The following LEPROTL1 variants were observed in gnomAD, a reference collection of about 807,000 sequenced individuals.
LEPROTL1 encodes leptin receptor overlapping transcript-like 1.
Under a neutral mutation model 15.4 loss-of-function variants are expected in LEPROTL1, and 6 were observed. The ratio of observed to expected loss-of-function variants is 0.39; its 90% CI spans 0.21 to 0.77. The LOEUF (loss-of-function observed/expected upper bound fraction) is 0.77, where lower values mean the gene tolerates loss of function less well. Among genes scored for constraint, LEPROTL1 ranks in the 30% least tolerant of loss-of-function variants. LEPROTL1 has a pLI of 0.41. For synonymous variants in LEPROTL1, 56 were observed against 52.6 expected, an observed-to-expected ratio of 1.06 and a Z score of -0.28; for missense variants, 128 against 158.1, an observed-to-expected ratio of 0.81 and a Z score of 1.02.
chr8:30,122,166 C>T (rs1446498541), intron 3 of LEPROTL1, among the ~76,000 whole-genome samples: 1 of 130,110 alleles, frequency 7.7e-6, no homozygotes. Context: ...GACTCCCTCT[C>T]AAAAAAAAAA....
chr8:30,095,593 A>G (rs1033292890), intron 1 of LEPROTL1, 65 bp downstream of exon 1: 14 of 1,252,294 alleles, frequency 1.1e-5, no homozygotes, highest in Non-Finnish European at 1.4e-5. Flanking sequence ...CGGGGGTCCC[A>G]CGCGGCCCCC....
At position 30,117,785 on chromosome 8, in the gene LEPROTL1, C is replaced by T. The variant is rs536601375; in HGVS notation, c.279+13299C>T. On this transcript the variant is annotated intron_variant, in intron 3 of 4. Transcript: ENST00000442880. ...AGGACATTCATGCGCACCATTGTGG[C>T]GGCGCAGAAAGATGGCAGGAGGAGC... 8.4e-5 allele frequency: 63 copies of T among 754,160 alleles called. 2 individuals carry two copies. Among genetic ancestry groups the T allele is most frequent in the South Asian group, 8.1e-4 (53 of 65,656 alleles). The allele number at this position is 754,160 out of a possible 1,614,324, so 46.7% of individuals were successfully genotyped here.
chr8:30,122,542 A>G (rs745817273), intron 3 of LEPROTL1, among the ~76,000 whole-genome samples: 3 of 151,920 alleles, frequency 2.0e-5, no homozygotes, highest in African/African-American at 7.3e-5. Flanking sequence ...TGTAATCCCA[A>G]CACTTTGGGA....
chr8:30,132,724 A>G (rs965721315), intron 4 of LEPROTL1: 10 of 1,551,584 alleles, frequency 6.4e-6, no homozygotes, highest in Admixed American at 2.0e-5. Context: ...AGAGCCTCCC[A>G]GGAGAGCAGG....
rs550720005 is a variant in LEPROTL1 at position 30,101,145 on chromosome 8, A to G, written c.17-753A>G. On this transcript the variant is annotated intron_variant, in intron 1 of 3. Coordinates refer to ENST00000321250, the MANE Select transcript of LEPROTL1 (RefSeq NM_015344.3). ...CATTGAGAGTGTATGTGCCAGAAAC[A>G]GGAGCTGATTAGAAGAGGTTTTCCT... is the stretch of plus-strand genomic sequence containing the variant. Among the ~76,000 whole-genome samples the G allele has an allele frequency of 1.2e-4, 19 of 152,340 alleles. No homozygotes were observed. In the South Asian group the frequency reaches 3.9e-3, roughly 32 times the overall value.
At position 30,106,861 on chromosome 8, in the gene LEPROTL1, C is replaced by T; in HGVS notation, c.*999C>T. 1.0e-6 allele frequency: 1 copy of T among 983,554 alleles called. No homozygotes were observed. The highest frequency in any genetic ancestry group is 1.2e-6 in the Non-Finnish European group (1 of 827,900). The allele number at this position is 983,554 out of a possible 1,614,324, so 60.9% of individuals were successfully genotyped here. A position where few individuals can be genotyped will look rare whatever the true frequency, so the allele number is the denominator to read the frequency against. The stretch of plus-strand genomic sequence containing the variant: ...CTTATTTGGTATGTTGTATATATTA[C>T]ATAAAATAACTTTTCAAATATAGTT... On this transcript the variant is annotated 3_prime_UTR_variant, in exon 4 of 4. Transcript: ENST00000321250.
At chr8:30,137,392 G>A in exon 5 of LEPROTL1, 2 of 1,551,706 alleles carry the variant, frequency 1.3e-6, no homozygotes, top group Non-Finnish European at 1.7e-6. Flanking sequence ...TGCAAGCAGA[G>A]TGTCCACTCA....
intron 3 of LEPROTL1, among the ~76,000 whole-genome samples, chr8:30,121,883 T>C (rs1174974607): frequency 6.6e-6 from 1 of 151,888 alleles, no homozygotes; most frequent in African/African-American, 2.4e-5. Flanking sequence ...AAAAAAAAAT[T>C]AGGCTGGCAC....
intron 4 of LEPROTL1, among the ~76,000 whole-genome samples, chr8:30,133,850 A>C (rs1314931030): frequency 6.6e-6 from 1 of 152,108 alleles, no homozygotes; most frequent in African/African-American, 2.4e-5. Context: ...AAAGCAAAAC[A>C]AAACAAAACA....
intron 1 of LEPROTL1, among the ~76,000 whole-genome samples, chr8:30,097,285 T>C (rs1802380968): frequency 6.6e-6 from 1 of 152,340 alleles, no homozygotes; most frequent in South Asian, 2.1e-4. Context: ...AGAACACTTT[T>C]AAGCAATTTA....
chr8:30,112,270 C>G (rs370523455), downstream of LEPROTL1, among the ~76,000 whole-genome samples: 1 of 152,030 alleles, frequency 6.6e-6, no homozygotes, highest in Non-Finnish European at 1.5e-5. Flanking sequence ...GAGTCTTGCT[C>G]TGTCGCCCAG....
At chr8:30,096,911 C>CCTAAT (rs1229392046) in intron 1 of LEPROTL1, among the ~76,000 whole-genome samples, 1 of 152,142 alleles carries the variant, frequency 6.6e-6, no homozygotes, top group Admixed American at 6.5e-5. Flanking sequence ...AATTAGAGAC[C>CCTAAT]ATTAGGCATT....
chr8:30,097,690 T>A (rs143529338), intron 1 of LEPROTL1, among the ~76,000 whole-genome samples: 4,860 of 119,712 alleles, frequency 0.041, 289 homozygotes, highest in African/African-American at 0.086. Flanking sequence ...AAAAAATATA[T>A]ATATATATAC....
rs996381809 is a variant in LEPROTL1, at chr8:30,106,620, A to T, written c.*758A>T. 1 of 983,024 alleles carries T rather than the reference A, an allele frequency of 1.0e-6. No individual in the cohort carries two copies. The highest frequency in any genetic ancestry group is 1.7e-5 in the African/African-American group (1 of 57,166). 60.9% of individuals were successfully genotyped at this position (983,024 alleles called of 1,614,324 possible). A position where few individuals can be genotyped will look rare whatever the true frequency, so the allele number is the denominator to read the frequency against. On this transcript the variant is annotated 3_prime_UTR_variant, in exon 4 of 4. Transcript: ENST00000321250. ...TGAGATAAGGTTTTTATTTATGTTT[A>T]TTATTGTTAGAGTGAGTTGCAATGT...
intron 3 of LEPROTL1, among the ~76,000 whole-genome samples, chr8:30,115,021 TTC>T (rs1393872493): frequency 9.2e-5 from 14 of 152,228 alleles, no homozygotes; most frequent in Admixed American, 7.2e-4. Flanking sequence ...TTTCCCTTAT[TTC>T]TCTCCTGCTC....
Position 30,095,486 on chromosome 8 carries a change from C to A in LEPROTL1, c.-27C>A, listed in dbSNP as rs187805314. On this transcript the variant is annotated 5_prime_UTR_variant, in exon 1 of 4. Coordinates refer to ENST00000321250, the MANE Select transcript of LEPROTL1 (RefSeq NM_015344.3). ...CGCTGCTGCCGCCGCCGCCTCGGGT[C>A]GTGGAGCCAGGAGCGACGTCACCGC... The A allele has an allele frequency of 1.4e-6, 2 of 1,463,562 alleles. No individual in the cohort carries two copies. Among genetic ancestry groups the A allele is most frequent in the East Asian group, 3.1e-5 (1 of 32,772 alleles). The allele number at this position is 1,463,562 out of a possible 1,614,324, so 90.7% of individuals were successfully genotyped here.
At chr8:30,126,745 A>T (rs1802911917) in intron 3 of LEPROTL1, among the ~76,000 whole-genome samples, 1 of 152,178 alleles carries the variant, frequency 6.6e-6, no homozygotes, top group Non-Finnish European at 1.5e-5. Context: ...GGGCTGCACT[A>T]TGAGGGTAGT....
chr8:30,127,362 C>A (rs372507009), intron 3 of LEPROTL1, among the ~76,000 whole-genome samples: 1 of 152,116 alleles, frequency 6.6e-6, no homozygotes, highest in African/African-American at 2.4e-5. Flanking sequence ...CAGAGTGATT[C>A]GGCTGATGAA....
At chr8:30,101,421 A>G (rs1802464438) in intron 1 of LEPROTL1, among the ~76,000 whole-genome samples, 1 of 152,188 alleles carries the variant, frequency 6.6e-6, no homozygotes, top group African/African-American at 2.4e-5. Flanking sequence ...TAATCCCAGC[A>G]CTTTGGGAGG....
Sources: allele counts gnomAD v4.1 joint callset (sites outside exome capture counted in the v4.1 genomes callset), GRCh38; gene constraint gnomAD v4.1.1; transcripts MANE v1.5; gene names NCBI Gene and HGNC (gene_info 2026-07-23, HGNC 2026-07-21).